Variants in ZYG11B observed in about 807,000 individuals in gnomAD.
ZYG11B encodes the protein protein zyg-11 homolog B.
A neutral mutation model predicts 82.4 loss-of-function variants in ZYG11B; 36 were observed. The observed-to-expected ratio is 0.44, with a 90% CI of 0.33 to 0.58. The LOEUF (loss-of-function observed/expected upper bound fraction) is 0.58. ZYG11B is among the 20% of genes least tolerant of loss of function. The pLI, the probability that ZYG11B is intolerant of heterozygous loss-of-function variation, is 0.02. For synonymous variants in ZYG11B, 303 were observed against 312.8 expected (o/e 0.97, Z 0.33); for missense variants, 552 against 895.6 (o/e 0.62, Z 4.90).
chr1:52,813,364 ACT>A (rs1401197554), intron 10 of ZYG11B, among the ~76,000 whole-genome samples, 170 bp from the exon 11 acceptor site: 2 of 151,984 alleles, frequency 1.3e-5, no homozygotes, highest in African/African-American at 2.4e-5. Context: ...TCTTTGGCTT[ACT>A]CTTACCTTCA....
intron 2 of ZYG11B, among the ~76,000 whole-genome samples, chr1:52,757,694 T>C (rs6695819): frequency 0.59 from 89,978 of 151,678 alleles, 29,390 homozygotes; most frequent in East Asian, 0.97. Flanking sequence ...AAACTAACAA[T>C]AACAAAAAGC....
chr1:52,811,027 C>T (rs924820564), intron 10 of ZYG11B, among the ~76,000 whole-genome samples: 7 of 119,178 alleles, frequency 5.9e-5, no homozygotes, highest in Admixed American at 2.8e-4. Context: ...GAGCAAGGCT[C>T]CGTCTCAAAA....
chr1:52,789,933 A>G, intron 5 of ZYG11B, 70 bp from the exon 6 acceptor site: 1 of 1,051,200 alleles, frequency 9.5e-7, no homozygotes, highest in Non-Finnish European at 1.3e-6. Flanking sequence ...TTTTTTATGG[A>G]AGCTACCATG....
At chr1:52,727,130 C>T (rs1457319738) in intron 1 of ZYG11B, among the ~76,000 whole-genome samples, 1 of 152,088 alleles carries the variant, frequency 6.6e-6, no homozygotes, top group Non-Finnish European at 1.5e-5. Context: ...CTGCCCCCTT[C>T]TCTCCGTGTT....
chr1:52,805,785 C>T (rs1206569181), intron 10 of ZYG11B, among the ~76,000 whole-genome samples: 1 of 152,024 alleles, frequency 6.6e-6, no homozygotes, highest in South Asian at 2.1e-4. Context: ...ACCAAGATCA[C>T]GCCACTGTAC....
rs1644841529 is a variant in ZYG11B, at chr1:52,779,957, T to C, written c.1056T>C (p.Thr352=). ...CTCTATTTCATCTTTTTAGTCTGAC[T>C]CATGTGATGGAAAAAACAAAGCCAG... is the stretch of plus-strand genomic sequence containing the variant. ...REALFHLFSL[T]HVMEKTKPEI... is the part of the protein sequence containing the mutation. Residue 352 remains threonine, a synonymous_variant, in exon 4 of 14, where the codon ACT becomes ACC. Coordinates refer to ENST00000294353, the MANE Select transcript of ZYG11B (RefSeq NM_024646.3). 15 of 1,613,810 alleles carry C rather than the reference T, an allele frequency of 9.3e-6. No homozygotes were observed. Among genetic ancestry groups the C allele is most frequent in the Non-Finnish European group, 1.2e-5 (14 of 1,179,958 alleles).
intron 1 of ZYG11B, among the ~76,000 whole-genome samples, chr1:52,730,728 CCAT>C (rs1223695140): frequency 6.6e-6 from 1 of 151,864 alleles, no homozygotes; most frequent in African/African-American, 2.4e-5. Context: ...GCCTGTAGTA[CCAT>C]CTGCTCTAAA....
intron 8 of ZYG11B, among the ~76,000 whole-genome samples, chr1:52,797,267 A>G (rs1311182196): frequency 1.2e-5 from 1 of 82,812 alleles, no homozygotes; most frequent in Non-Finnish European, 2.0e-5. Context: ...TATTTATATT[A>G]TATATAAAAT....
rs1645331234 is a variant in ZYG11B, at chr1:52,827,104, A to G, written c.*5475A>G. On this transcript the variant is annotated 3_prime_UTR_variant, in exon 14 of 14. Coordinates refer to ENST00000294353, the MANE Select transcript of ZYG11B (RefSeq NM_024646.3). ...TATCTTTTGTTTGAATTCTGATAGA[A>G]CAGTTTAACTCCTTTCTAAGGATAT... 6.6e-6 allele frequency: 1 copy of G among 152,224 alleles called. No individual in the cohort carries two copies. Among genetic ancestry groups the G allele is most frequent in the South Asian group, 2.1e-4 (1 of 4,832 alleles). 9.4% of individuals were successfully genotyped at this position (152,224 alleles called of 1,614,324 possible).
At chr1:52,768,693 C>T (rs1439481021) in intron 2 of ZYG11B, among the ~76,000 whole-genome samples, 4 of 149,782 alleles carry the variant, frequency 2.7e-5, no homozygotes, top group Non-Finnish European at 4.4e-5. Context: ...CTCCCAAGTT[C>T]GAGTGATTCT....
chr1:52,816,471 G>A (rs940461904), intron 12 of ZYG11B, 61 bp from the exon 13 acceptor site: 2 of 1,201,446 alleles, frequency 1.7e-6, no homozygotes, highest in Non-Finnish European at 2.4e-6. Flanking sequence ...AGGAATCACT[G>A]CTTTAGGAAA....
intron 1 of ZYG11B, among the ~76,000 whole-genome samples, chr1:52,755,727 A>C (rs1048081107): frequency 1.3e-5 from 2 of 151,392 alleles, no homozygotes; most frequent in African/African-American, 2.4e-5. Context: ...CTGGTCTCGA[A>C]CTCCCGACCT....
At chr1:52,770,684 G>A (rs1049353125) in intron 2 of ZYG11B, among the ~76,000 whole-genome samples, 3 of 152,180 alleles carry the variant, frequency 2.0e-5, no homozygotes, top group African/African-American at 7.2e-5. Flanking sequence ...ATAGTGCATT[G>A]GCCAGAACTA....
intron 4 of ZYG11B, 96 bp from the exon 5 acceptor site, chr1:52,784,781 T>C: frequency 7.5e-7 from 1 of 1,328,934 alleles, no homozygotes; most frequent in Admixed American, 2.2e-5. Flanking sequence ...AATTATGACA[T>C]CTTTGAAATT....
chr1:52,763,917 C>T (rs183725822), intron 2 of ZYG11B, among the ~76,000 whole-genome samples: 1 of 152,294 alleles, frequency 6.6e-6, no homozygotes, highest in Admixed American at 6.5e-5. Context: ...GCCAAATAGA[C>T]TTTCTAGGTG....
chr1:52,776,229 A>ATATATATAT (rs1553260250), intron 3 of ZYG11B, among the ~76,000 whole-genome samples: 1,749 of 23,630 alleles, frequency 0.074, 283 homozygotes, highest in Admixed American at 0.17. Flanking sequence ...TAAAAAAAAA[A>ATATATATAT]ATATATATAT....
intron 8 of ZYG11B, among the ~76,000 whole-genome samples, 170 bp downstream of exon 8, chr1:52,796,954 ATATAT>A (rs1378838316): frequency 2.2e-5 from 2 of 92,482 alleles, no homozygotes; most frequent in African/African-American, 9.8e-5. Flanking sequence ...ATGTATAATT[ATATAT>A]TATATATAAT....
At chr1:52,783,005 C>T (rs1223465390) in intron 4 of ZYG11B, among the ~76,000 whole-genome samples, 1 of 150,684 alleles carries the variant, frequency 6.6e-6, no homozygotes, top group East Asian at 2.0e-4. Flanking sequence ...CAGCTCACTG[C>T]AACCTCTGCT....
chr1:52,800,744 A>T (rs1558139045), intron 8 of ZYG11B, among the ~76,000 whole-genome samples: 1 of 152,066 alleles, frequency 6.6e-6, no homozygotes, highest in Non-Finnish European at 1.5e-5. Context: ...GGGGGGGTGG[A>T]GGTCGCAGTG....
Sources: allele counts gnomAD v4.1 joint callset (sites outside exome capture counted in the v4.1 genomes callset), GRCh38; gene constraint gnomAD v4.1.1; transcripts MANE v1.5; gene names NCBI Gene and HGNC (gene_info 2026-07-23, HGNC 2026-07-21).